PCDHGA8: variants seen among roughly 807,000 people sequenced by gnomAD.
PCDHGA8 encodes the protein protocadherin gamma-A8.
PCDHGA8 carries 45 observed loss-of-function variants against 59.2 expected under a neutral mutation model. The observed-to-expected ratio is 0.76, with a 90% CI of 0.60 to 0.98. The LOEUF (loss-of-function observed/expected upper bound fraction) is 0.98. Ranked by LOEUF, PCDHGA8 falls within the 50% of genes least tolerant of loss-of-function variation. PCDHGA8 has a pLI of 0.00. For synonymous variants in PCDHGA8, 531 were observed against 519.0 expected (o/e 1.02, Z -0.32); for missense variants, 1,257 against 1,196.2 (o/e 1.05, Z -0.75).
chr5:141,487,013 C>T lies in PCDHGA8; in HGVS notation c.2425-7794C>T. ...GGTTTCCTATCAGCTCCTGGAGGCC[C>T]CAGATCCCAGCCTGTTTGCAGTCTC... On this transcript the variant is annotated intron_variant, in intron 1 of 3. Coordinates refer to ENST00000398604, the MANE Select transcript of PCDHGA8 (RefSeq NM_032088.2). The surrounding 1 kb of genome is among the most constrained non-coding windows in gnomAD (Gnocchi z 5.0). The T allele has an allele frequency of 1.2e-6, 2 of 1,614,220 alleles. No individual in the cohort carries two copies. Among genetic ancestry groups the T allele is most frequent in the Non-Finnish European group, 1.7e-6 (2 of 1,180,040 alleles).
intron 1 of PCDHGA8, among the ~76,000 whole-genome samples, chr5:141,474,404 G>A (rs1014003488): frequency 4.6e-5 from 7 of 152,156 alleles, no homozygotes; most frequent in East Asian, 1.9e-4. Context: ...CAAGCTCCCC[G>A]GTGATGCCTA....
At chr5:141,405,385 A>G in intron 1 of PCDHGA8, 1 of 1,600,058 alleles carries the variant, frequency 6.2e-7, no homozygotes, top group Non-Finnish European at 8.5e-7. Flanking sequence ...CGGTGAGTTC[A>G]TTTTTTTTCT....
intron 1 of PCDHGA8, chr5:141,421,504 C>A (rs757410882): frequency 1.2e-6 from 2 of 1,614,062 alleles, no homozygotes; most frequent in Admixed American, 1.7e-5. Context: ...CAGGATAGAC[C>A]GGGAGGAGCT....
At chr5:141,479,842 G>A (rs1167563746) in intron 1 of PCDHGA8, among the ~76,000 whole-genome samples, 3 of 152,172 alleles carry the variant, frequency 2.0e-5, no homozygotes, top group African/African-American at 7.2e-5. Context: ...TCCATGCAAG[G>A]TGACTGCAAG....
chr5:141,416,223 A>AT, intron 1 of PCDHGA8: 1 of 152,302 alleles, frequency 6.6e-6, no homozygotes, highest in East Asian at 1.9e-4. Flanking sequence ...GTATGCTTAG[A>AT]TTTTTCCAGC....
chr5:141,490,948 G>T lies in PCDHGA8; in HGVS notation c.2425-3859G>T. 1 of 1,613,756 alleles carries T rather than the reference G, an allele frequency of 6.2e-7. No homozygotes were observed. The highest frequency in any genetic ancestry group is 8.5e-7 in the Non-Finnish European group (1 of 1,179,810). On this transcript the variant is annotated intron_variant, in intron 1 of 3. Coordinates refer to ENST00000398604, the MANE Select transcript of PCDHGA8 (RefSeq NM_032088.2). The surrounding 1 kb of genome is among the most constrained non-coding windows in gnomAD (Gnocchi z 5.4). The stretch of plus-strand genomic sequence containing the variant: ...CCCAGCTGTGCTGCACCCACGGCCA[G>T]ACTGGGAACACTCAGCCCCCCAGCG...
chr5:141,401,940 A>T (rs1423719749), intron 1 of PCDHGA8, among the ~76,000 whole-genome samples: 1 of 152,236 alleles, frequency 6.6e-6, no homozygotes, highest in Non-Finnish European at 1.5e-5. Flanking sequence ...AATAATGTTT[A>T]AGACCACTTT....
At position 141,394,450 on chromosome 5, in the gene PCDHGA8, T is replaced by A. The variant is rs188283892; in HGVS notation, c.1637T>A (p.Met546Lys). ...DSGDPPLSSN[M>K]SLSLFVLDQN... is the part of the protein sequence containing the mutation. Reference sequence around the variant, plus strand: ...GGGGACCCGCCCCTCAGCAGCAACATGTCACTGAGCCTGTTCGTGCTGGAC... The same window carrying A: ...GGGGACCCGCCCCTCAGCAGCAACAAGTCACTGAGCCTGTTCGTGCTGGAC... The change falls in exon 1 of 4, where the codon ATG becomes AAG. Residue 546 changes from methionine to lysine, a missense_variant. By Grantham distance (95) the Met-to-Lys change is moderately conservative. Transcript: ENST00000398604. 92 of 1,614,228 alleles carry A rather than the reference T, an allele frequency of 5.7e-5. No individual in the cohort carries two copies. The East Asian group carries it at 1.9e-3, about 34-fold the overall frequency.
intron 1 of PCDHGA8, chr5:141,421,694 C>G (rs2096592726): frequency 6.2e-7 from 1 of 1,613,936 alleles, no homozygotes. Flanking sequence ...TTTGCTCTTC[C>G]TAATGCTAGG....
rs1048580916 is a variant in PCDHGA8 at position 141,393,668 on chromosome 5, T to C, written c.855T>C (p.Asn285=). 1 of 1,613,872 alleles carries C rather than the reference T, an allele frequency of 6.2e-7. No homozygotes were observed. ...TGGCATACAAATTCCGGAAAATTAA[T>C]GAAAAACAAACTCCGTTATTCCAGC... ...GKVAYKFRKI[N]EKQTPLFQLN... is the part of the protein sequence containing the mutation. The change falls in exon 1 of 4, where the codon AAT becomes AAC. Residue 285 remains asparagine (N), a synonymous_variant. Coordinates refer to ENST00000398604, the MANE Select transcript of PCDHGA8 (RefSeq NM_032088.2).
rs1310978287 is a variant in PCDHGA8 at position 141,393,211 on chromosome 5, T to G, written c.398T>G (p.Phe133Cys). 3 of 1,613,502 alleles carry G rather than the reference T, an allele frequency of 1.9e-6. No individual in the cohort carries two copies. The highest frequency in any genetic ancestry group is 1.7e-6 in the Non-Finnish European group (2 of 1,179,908). The change falls in exon 1 of 4, where the codon TTC becomes TGC. Residue 133 changes from phenylalanine to cysteine, a missense_variant. Coordinates refer to ENST00000398604, the MANE Select transcript of PCDHGA8 (RefSeq NM_032088.2). ...IIDINDNNPK[F>C]QVEDLEVKIN... is the part of the protein sequence containing the mutation. ...GATATTAACGATAATAACCCAAAAT[T>G]CCAGGTCGAAGATCTAGAAGTAAAA...
chr5:141,491,322 C>T lies in PCDHGA8; in HGVS notation c.2425-3485C>T. 6.2e-7 allele frequency: 1 copy of T among 1,614,156 alleles called. No individual in the cohort carries two copies. Among genetic ancestry groups the T allele is most frequent in the East Asian group, 2.2e-5 (1 of 44,860 alleles). On this transcript the variant is annotated intron_variant, in intron 1 of 3. Coordinates refer to ENST00000398604, the MANE Select transcript of PCDHGA8 (RefSeq NM_032088.2). This position sits in a 1 kb window ranked among gnomAD's most constrained non-coding sequence, Gnocchi z 6.9. ...AGCGTTCAGACCTTACCCTTTACCT[C>T]ATTGTGGCTCTAGCGACCGTCAGTC...
intron 1 of PCDHGA8, chr5:141,427,206 G>C (rs1224325038): frequency 1.1e-5 from 5 of 456,606 alleles, no homozygotes; most frequent in Admixed American, 2.3e-5. Context: ...AATAGACTTC[G>C]AATTTCGTAG....
chr5:141,397,438 G>A (rs1330293325), intron 1 of PCDHGA8, among the ~76,000 whole-genome samples: 5 of 152,140 alleles, frequency 3.3e-5, no homozygotes, highest in Admixed American at 2.6e-4. Context: ...CCTAATATGT[G>A]TAATATAAAA....
chr5:141,433,582 T>TCCCA (rs758953161), intron 1 of PCDHGA8, among the ~76,000 whole-genome samples: 4 of 151,942 alleles, frequency 2.6e-5, no homozygotes, highest in Non-Finnish European at 5.9e-5. Flanking sequence ...ACGCCTGTAA[T>TCCCA]CCCAGTACTT....
rs554845172 is a variant in PCDHGA8 at position 141,485,584 on chromosome 5, G to A, written c.2425-9223G>A. Reference sequence around the variant, plus strand: ...ACGCCCCCCGTTTTCCGCGGCAGCAGCTGGACTTGGAAATTGGGGAGGCAG... The same window carrying A: ...ACGCCCCCCGTTTTCCGCGGCAGCAACTGGACTTGGAAATTGGGGAGGCAG... On this transcript the variant is annotated intron_variant, in intron 1 of 3. Transcript: ENST00000398604. The surrounding 1 kb of genome is among the most constrained non-coding windows in gnomAD (Gnocchi z 5.7). The A allele has an allele frequency of 2.9e-5, 46 of 1,612,498 alleles. 1 individual carries two copies. The South Asian group carries it at 4.5e-4, about 16-fold the overall frequency.
At position 141,512,348 on chromosome 5, in the gene PCDHGA8, G is replaced by C. The variant is rs1172891268; in HGVS notation, c.*1175G>C. 4 of 152,886 alleles carry C rather than the reference G, an allele frequency of 2.6e-5. No homozygotes were observed. The highest frequency in any genetic ancestry group is 9.6e-5 in the African/African-American group (4 of 41,462). The allele number at this position is 152,886 out of a possible 1,614,324, so 9.5% of individuals were successfully genotyped here. A position where few individuals can be genotyped will look rare whatever the true frequency, so the allele number is the denominator to read the frequency against. ...GGCCATTCTTAGTCCCTGGGTTGGG[G>C]AGGCAGGGAGCTAGGGCAGGGACCA... On this transcript the variant is annotated 3_prime_UTR_variant, in exon 4 of 4. Transcript: ENST00000398604.
intron 1 of PCDHGA8, chr5:141,411,444 T>C (rs1589800236): frequency 6.8e-6 from 1 of 147,662 alleles, no homozygotes; most frequent in African/African-American, 2.5e-5. Context: ...ATTAGCAGAG[T>C]GTGGTAGCAT....
intron 1 of PCDHGA8, among the ~76,000 whole-genome samples, chr5:141,481,223 A>C (rs935737972): frequency 3.3e-5 from 5 of 152,242 alleles, no homozygotes; most frequent in Non-Finnish European, 7.3e-5. Context: ...AAGGTCTCCC[A>C]GCCTTAAAGT....
Sources: gnomAD v4.1 joint callset for allele counts (sites outside exome capture counted in the v4.1 genomes callset) on GRCh38, gnomAD v4.1.1 for gene constraint, Gnocchi (gnomAD v3.1) non-coding constraint, MANE v1.5 for transcripts, NCBI Gene and HGNC (gene_info 2026-07-23, HGNC 2026-07-21) for gene names.